The following PTPRJ variants were observed in gnomAD, a reference collection of about 807,000 sequenced individuals.
PTPRJ encodes receptor-type tyrosine-protein phosphatase eta.
In PTPRJ, 129 loss-of-function variants were observed where a neutral mutation model predicts 141.3. That is an observed-to-expected ratio of 0.91 (90% CI 0.79 to 1.06). PTPRJ has a LOEUF of 1.06. Ranked by LOEUF, PTPRJ falls within the 50% of genes least tolerant of loss-of-function variation. The pLI is 0.00. For missense variants in PTPRJ, 1,601 were observed against 1,679.7 expected (o/e 0.95, Z 0.82); for synonymous variants, 610 against 640.5 (o/e 0.95, Z 0.72).
rs1235598758 is a variant in PTPRJ at position 48,121,024 on chromosome 11, T to C, written c.374T>C (p.Ile125Thr). ...ATAGGGCCCAGTCCTGTGTTTGACA[T>C]TAAAGCTGTTTCCATCAGTCCAACC... ...SSTGPSPVFD[I>T]KAVSISPTNV... The change falls in exon 4 of 25, where the codon ATT becomes ACT. Residue 125 changes from isoleucine to threonine, a missense_variant. By Grantham distance (89) the Ile-to-Thr change is moderately conservative (BLOSUM62 -1). Transcript: ENST00000418331. 6.2e-7 allele frequency: 1 copy of C among 1,604,924 alleles called. No individual in the cohort carries two copies. The highest frequency in any genetic ancestry group is 2.3e-5 in the East Asian group (1 of 44,154).
intron 16 of PTPRJ, 104 bp from the exon 17 acceptor site, chr11:48,149,886 A>T: frequency 1.1e-6 from 1 of 881,896 alleles, no homozygotes; most frequent in Non-Finnish European, 1.8e-6. Context: ...TTGCCAAATT[A>T]TACCCTGGGT....
At chr11:48,078,260 G>C (rs1042994285) in intron 1 of PTPRJ, among the ~76,000 whole-genome samples, 1 of 152,074 alleles carries the variant, frequency 6.6e-6, no homozygotes, top group Non-Finnish European at 1.5e-5. Context: ...TTTTCACCAT[G>C]TTGGCCAGGC....
At chr11:47,982,770 A>G (rs1436968334) in intron 1 of PTPRJ, among the ~76,000 whole-genome samples, 1 of 152,006 alleles carries the variant, frequency 6.6e-6, no homozygotes, top group African/African-American at 2.4e-5. Context: ...TTCTTGGGTA[A>G]ATTTATTGCT....
intron 1 of PTPRJ, among the ~76,000 whole-genome samples, chr11:47,996,937 C>T (rs60637944): frequency 0.011 from 1,689 of 152,310 alleles, 31 homozygotes; most frequent in African/African-American, 0.039. Context: ...ACCAGCCTTT[C>T]GATGTCTTTT....
intron 1 of PTPRJ, among the ~76,000 whole-genome samples, chr11:48,009,119 T>TA (rs1854706199): frequency 6.6e-6 from 1 of 152,160 alleles, no homozygotes; most frequent in African/African-American, 2.4e-5. Flanking sequence ...GATGGTCTGT[T>TA]AAAGAAAAAC....
intron 21 of PTPRJ, among the ~76,000 whole-genome samples, chr11:48,156,675 C>G (rs1326375831): frequency 6.6e-6 from 1 of 151,242 alleles, no homozygotes; most frequent in East Asian, 1.9e-4. Context: ...CTCACTACAG[C>G]TTTGAATTCC....
At chr11:48,100,511 T>G in intron 1 of PTPRJ, among the ~76,000 whole-genome samples, 1 of 152,244 alleles carries the variant, frequency 6.6e-6, no homozygotes. Context: ...TTAAAAAGAC[T>G]ATTTTTAGAG....
intron 1 of PTPRJ, among the ~76,000 whole-genome samples, chr11:47,985,147 G>A (rs1337978613): frequency 6.7e-6 from 1 of 150,280 alleles, no homozygotes; most frequent in Non-Finnish European, 1.5e-5. Flanking sequence ...CACCGTGCCC[G>A]GCCTGTTTTT....
At chr11:48,121,923 G>T (rs927803680) in intron 4 of PTPRJ, among the ~76,000 whole-genome samples, 5 of 152,146 alleles carry the variant, frequency 3.3e-5, no homozygotes, top group Admixed American at 2.6e-4. Context: ...GGGGGCTGGG[G>T]AGTGTGATCT....
At chr11:48,024,176 C>T (rs545679586) in intron 1 of PTPRJ, among the ~76,000 whole-genome samples, 6 of 152,030 alleles carry the variant, frequency 3.9e-5, no homozygotes, top group Admixed American at 2.6e-4. Flanking sequence ...TGAAGACAGG[C>T]ACCACACTTA....
chr11:48,151,672 C>T (rs1268033754), intron 18 of PTPRJ, among the ~76,000 whole-genome samples: 1 of 149,034 alleles, frequency 6.7e-6, no homozygotes, highest in African/African-American at 2.5e-5. Context: ...TGTTCAATTC[C>T]CACCTATGAG....
chr11:48,135,208 CTTGTTG>C (rs1283188360), intron 8 of PTPRJ, among the ~76,000 whole-genome samples: 3 of 118,270 alleles, frequency 2.5e-5, no homozygotes, highest in African/African-American at 9.6e-5. Flanking sequence ...GAGTTTCGCT[CTTGTTG>C]CCCAGGCTGG....
chr11:48,168,534 GTATATATATATATA>G lies in PTPRJ; in HGVS notation c.*1207_*1220del, dbSNP rs71045551. ...CGTGACACATATCGGAATCTACTGT[GTATATATATATATA>G]TATATATATATATATATATATATAT... On this transcript the variant is annotated 3_prime_UTR_variant, in exon 25 of 25. Coordinates refer to ENST00000418331, the MANE Select transcript of PTPRJ (RefSeq NM_002843.4). 5.6e-3 allele frequency: 245 copies of G among 44,088 alleles called. 2 individuals are homozygous for G. Among genetic ancestry groups the G allele is most frequent in the Non-Finnish European group, 8.0e-3 (195 of 24,256 alleles). The allele number at this position is 44,088 out of a possible 1,614,324, so 2.7% of individuals were successfully genotyped here. A position where few individuals can be genotyped will look rare whatever the true frequency, so the allele number is the denominator to read the frequency against.
At chr11:48,005,163 A>G (rs1239704884) in intron 1 of PTPRJ, among the ~76,000 whole-genome samples, 2 of 152,070 alleles carry the variant, frequency 1.3e-5, no homozygotes, top group African/African-American at 2.4e-5. Context: ...TGGAGGTTGC[A>G]GTGAGCAGAG....
chr11:48,061,045 G>C (rs1206995971), intron 1 of PTPRJ, among the ~76,000 whole-genome samples: 1 of 152,096 alleles, frequency 6.6e-6, no homozygotes, highest in Non-Finnish European at 1.5e-5. Context: ...TTGTTGCCCA[G>C]GCTGGAGTGC....
chr11:48,025,471 T>G (rs1590413792), intron 1 of PTPRJ, among the ~76,000 whole-genome samples: 1 of 152,262 alleles, frequency 6.6e-6, no homozygotes, highest in Admixed American at 6.5e-5. Flanking sequence ...CCAGGGGACA[T>G]AACACCTGCC....
At chr11:48,026,752 G>A (rs1853823647) in intron 1 of PTPRJ, among the ~76,000 whole-genome samples, 1 of 151,590 alleles carries the variant, frequency 6.6e-6, no homozygotes, top group Middle Eastern at 3.4e-3. Flanking sequence ...CTGGCCATGA[G>A]TAGGTTCTTT....
intron 8 of PTPRJ, chr11:48,132,547 T>C: frequency 1.0e-6 from 1 of 979,766 alleles, no homozygotes; most frequent in Non-Finnish European, 1.2e-6. Context: ...TTCAAGATAG[T>C]TGAAATCTTT....
chr11:48,056,551 T>C (rs1854756655), intron 1 of PTPRJ, among the ~76,000 whole-genome samples: 1 of 152,220 alleles, frequency 6.6e-6, no homozygotes, highest in African/African-American at 2.4e-5. Flanking sequence ...TTTCACTGAG[T>C]GCTTACTACC....
Sources: allele counts gnomAD v4.1 joint callset (sites outside exome capture counted in the v4.1 genomes callset), GRCh38; gene constraint gnomAD v4.1.1; transcripts MANE v1.5; gene names NCBI Gene and HGNC (gene_info 2026-07-23, HGNC 2026-07-21).